BTLA: variants seen among roughly 807,000 people sequenced by gnomAD.
BTLA encodes the protein B and T lymphocyte associated.
A neutral mutation model predicts 25.0 loss-of-function variants in BTLA; 11 were observed. That is an observed-to-expected ratio of 0.44 (90% confidence interval 0.28 to 0.73). The LOEUF (loss-of-function observed/expected upper bound fraction) is 0.73. BTLA is among the 30% of genes least tolerant of loss of function. The probability of loss-of-function intolerance (pLI) is 0.15; values close to 1 mark genes in which losing one functional copy is unlikely to be tolerated. For missense variants in BTLA, 282 were observed against 332.8 expected, an observed-to-expected ratio of 0.85 and a Z score of 1.19; for synonymous variants, 104 against 119.8, an observed-to-expected ratio of 0.87 and a Z score of 0.86.
chr3:112,480,624 T>G (rs2082313048), intron 1 of BTLA, among the ~76,000 whole-genome samples: 1 of 152,152 alleles, frequency 6.6e-6, no homozygotes, highest in Admixed American at 6.6e-5. Context: ...GGGCCAAAAT[T>G]TATCCTTTTA....
chr3:112,490,656 T>C (rs2107335695), intron 1 of BTLA, among the ~76,000 whole-genome samples: 1 of 148,216 alleles, frequency 6.7e-6, no homozygotes, highest in South Asian at 2.2e-4. Flanking sequence ...AAAATTTCCT[T>C]CACAAAAATG....
At chr3:112,496,958 C>A (rs2082412681) in intron 1 of BTLA, among the ~76,000 whole-genome samples, 1 of 152,190 alleles carries the variant, frequency 6.6e-6, no homozygotes, top group South Asian at 2.1e-4. Flanking sequence ...AAACTCCTGA[C>A]CTCAGGTGAT....
intron 1 of BTLA, among the ~76,000 whole-genome samples, chr3:112,481,941 C>T (rs1251412424): frequency 1.3e-5 from 2 of 152,154 alleles, no homozygotes; most frequent in Non-Finnish European, 2.9e-5. Context: ...AATTATTGCT[C>T]TTAATTTCTG....
chr3:112,477,702 T>C (rs1196926764), intron 2 of BTLA, among the ~76,000 whole-genome samples: 2 of 152,110 alleles, frequency 1.3e-5, no homozygotes, highest in Non-Finnish European at 2.9e-5. Flanking sequence ...ATCCCTATGT[T>C]TTCTCCTAAG....
rs146774439 is a variant in BTLA, at chr3:112,471,945, GTC to G, written c.404-592_404-591del. ...GTTAATACGCATTGAGGCCCTGTTT[GTC>G]TGCAGTTGTTCACAGCTCATTAGCA... On this transcript the variant is annotated intron_variant, in intron 2 of 4. Transcript: ENST00000334529. Among the ~76,000 whole-genome samples, 68 of 152,344 alleles carry G rather than the reference GTC, an allele frequency of 4.5e-4. No homozygotes were observed. The East Asian group carries it at 0.012, about 27-fold the overall frequency.
chr3:112,493,878 C>T (rs185771320), intron 1 of BTLA, among the ~76,000 whole-genome samples: 11 of 152,238 alleles, frequency 7.2e-5, no homozygotes, highest in East Asian at 1.9e-4. Flanking sequence ...TTTGGGAGGC[C>T]GAGACAGGTG....
chr3:112,499,390 T>C lies in BTLA; in HGVS notation c.-32A>G, dbSNP rs765523983. On this transcript the variant is annotated 5_prime_UTR_variant, in exon 1 of 5. Coordinates refer to ENST00000334529, the MANE Select transcript of BTLA (RefSeq NM_181780.4). ...CACATATCAGTGATGGAAAAACTGC[T>C]CAAGTAGAAGGCTTTGCTTCGTCTT... The C allele has an allele frequency of 1.9e-6, 3 of 1,601,554 alleles. No individual in the cohort carries two copies. In the South Asian group the frequency reaches 3.3e-5, roughly 18 times the overall value.
chr3:112,464,401 T>C lies in BTLA; in HGVS notation c.*1707A>G, dbSNP rs1323819844. The C allele has an allele frequency of 8.4e-6, 3 of 359,198 alleles. No individual in the cohort carries two copies. The highest frequency in any genetic ancestry group is 1.5e-5 in the Non-Finnish European group (3 of 200,250). The allele number at this position is 359,198 out of a possible 1,614,324, so 22.3% of individuals were successfully genotyped here. On this transcript the variant is annotated 3_prime_UTR_variant, in exon 5 of 5. Transcript: ENST00000334529. ...ATCCTCCCCATATTTCCTGTTTCTA[T>C]TTTTAAGAATACCACAAGCAGCTAT...
At chr3:112,497,765 T>C (rs1331541465) in intron 1 of BTLA, among the ~76,000 whole-genome samples, 3 of 152,192 alleles carry the variant, frequency 2.0e-5, no homozygotes, top group Admixed American at 6.5e-5. Flanking sequence ...TATTCCAAAC[T>C]ACACAGTTTA....
rs1048674669 is a variant in BTLA, at chr3:112,464,882, A to T, written c.*1226T>A. 1.1e-4 allele frequency: 16 copies of T among 152,168 alleles called. No homozygotes were observed. The highest frequency in any genetic ancestry group is 3.9e-4 in the African/African-American group (16 of 41,522). 9.4% of individuals were successfully genotyped at this position (152,168 alleles called of 1,614,324 possible). ...TCACATATTTGTTGAAATGGATTTTAACCTTTGCTATCCACTTTGTATGAA... is the reference window on the plus strand; with the variant it reads ...TCACATATTTGTTGAAATGGATTTTTACCTTTGCTATCCACTTTGTATGAA... On this transcript the variant is annotated 3_prime_UTR_variant, in exon 5 of 5. Coordinates refer to ENST00000334529, the MANE Select transcript of BTLA (RefSeq NM_181780.4).
rs1488565114 is a variant in BTLA at position 112,471,197 on chromosome 3, G to A, written c.547+15C>T. On this transcript the variant is annotated intron_variant, in intron 3 of 4. Coordinates refer to ENST00000334529, the MANE Select transcript of BTLA (RefSeq NM_181780.4). ...AAATGTGTGGTACTGGGGGCAGAGG[G>A]AAAATAGAACCCACCTTGGTGCCTT... The A allele has an allele frequency of 6.2e-7, 1 of 1,613,216 alleles. No individual in the cohort carries two copies. The highest frequency in any genetic ancestry group is 8.5e-7 in the Non-Finnish European group (1 of 1,179,454).
At chr3:112,490,339 T>C (rs1040560595) in intron 1 of BTLA, among the ~76,000 whole-genome samples, 6 of 152,192 alleles carry the variant, frequency 3.9e-5, no homozygotes, top group African/African-American at 1.4e-4. Context: ...AGAGCTTCTT[T>C]TGTAAAAGTG....
At chr3:112,491,018 A>G (rs905839829) in intron 1 of BTLA, among the ~76,000 whole-genome samples, 1 of 152,176 alleles carries the variant, frequency 6.6e-6, no homozygotes, top group Non-Finnish European at 1.5e-5. Flanking sequence ...TAAGCTCTGT[A>G]TCTCTTGATT....
At chr3:112,486,276 G>A (rs553941277) in intron 1 of BTLA, among the ~76,000 whole-genome samples, 13 of 152,196 alleles carry the variant, frequency 8.5e-5, no homozygotes, top group Admixed American at 6.5e-4. Flanking sequence ...CGATCAGGTG[G>A]TACCGATGAT....
intron 4 of BTLA, among the ~76,000 whole-genome samples, chr3:112,467,828 T>TC (rs1315324387): frequency 6.6e-6 from 1 of 152,228 alleles, no homozygotes; most frequent in Non-Finnish European, 1.5e-5. Context: ...AAGAAGACTG[T>TC]CAAGTGAACT....
chr3:112,490,749 GA>G (rs1282462781), intron 1 of BTLA, among the ~76,000 whole-genome samples: 1 of 148,390 alleles, frequency 6.7e-6, no homozygotes, highest in African/African-American at 2.5e-5. Flanking sequence ...AAGCAACCAT[GA>G]AACAAGAAAA....
At chr3:112,468,294 A>G (rs2107307350) in intron 4 of BTLA, among the ~76,000 whole-genome samples, 1 of 152,308 alleles carries the variant, frequency 6.6e-6, no homozygotes, top group South Asian at 2.1e-4. Context: ...TTTGGCTTTT[A>G]TATGTACCTG....
At chr3:112,485,685 C>G (rs1014446067) in intron 1 of BTLA, among the ~76,000 whole-genome samples, 5 of 152,198 alleles carry the variant, frequency 3.3e-5, no homozygotes, top group Non-Finnish European at 5.9e-5. Flanking sequence ...GCCTCAGCCT[C>G]CCAAGTAGCC....
rs2107300768 is a variant in BTLA, at chr3:112,463,980, G to A, written c.*2128C>T. 4 of 365,644 alleles carry A rather than the reference G, an allele frequency of 1.1e-5. No individual in the cohort carries two copies. The highest frequency in any genetic ancestry group is 1.9e-5 in the Non-Finnish European group (4 of 205,798). 22.6% of individuals were successfully genotyped at this position (365,644 alleles called of 1,614,324 possible). A position where few individuals can be genotyped will look rare whatever the true frequency, so the allele number is the denominator to read the frequency against. On this transcript the variant is annotated 3_prime_UTR_variant, in exon 5 of 5. Coordinates refer to ENST00000334529, the MANE Select transcript of BTLA (RefSeq NM_181780.4). ...CAGATGCCAAATTGATTTCAAATAA[G>A]TTTTAATAACTTTACCTTCTCATTG...
Sources: gnomAD v4.1 joint callset for allele counts (sites outside exome capture counted in the v4.1 genomes callset) on GRCh38, gnomAD v4.1.1 for gene constraint, MANE v1.5 for transcripts, NCBI Gene and HGNC (gene_info 2026-07-23, HGNC 2026-07-21) for gene names.